Variants in ANKS1B observed in about 807,000 individuals in gnomAD.
ANKS1B encodes ankyrin repeat and sterile alpha motif domain containing 1B.
Under a neutral mutation model 148.3 loss-of-function variants are expected in ANKS1B, and 36 were observed. The observed-to-expected ratio is 0.24, with a 90% CI of 0.19 to 0.32. The LOEUF (loss-of-function observed/expected upper bound fraction) is 0.32. Among genes scored for constraint, ANKS1B ranks in the 10% least tolerant of loss-of-function variants. The probability of loss-of-function intolerance (pLI) is 1.00; values close to 1 mark genes in which losing one functional copy is unlikely to be tolerated. For synonymous variants in ANKS1B, 542 were observed against 560.8 expected (o/e 0.97, Z 0.47); for missense variants, 1,157 against 1,542.6 (o/e 0.75, Z 4.19).
intron 14 of ANKS1B, among the ~76,000 whole-genome samples, chr12:99,176,526 T>TA (rs1352104778): frequency 5.3e-5 from 8 of 152,094 alleles, no homozygotes; most frequent in African/African-American, 1.2e-4. Context: ...GCCTCAATGT[T>TA]AAAAAAACTT....
chr12:98,774,531 A>G (rs2098647365), intron 24 of ANKS1B, among the ~76,000 whole-genome samples: 1 of 152,242 alleles, frequency 6.6e-6, no homozygotes, highest in African/African-American at 2.4e-5. Flanking sequence ...AATTCACATA[A>G]TCTTGCAATC....
chr12:98,783,740 T>G (rs2098760539), intron 22 of ANKS1B, among the ~76,000 whole-genome samples: 1 of 151,868 alleles, frequency 6.6e-6, no homozygotes, highest in Non-Finnish European at 1.5e-5. Flanking sequence ...GAGATGAGAG[T>G]GGTAGAGTAG....
chr12:99,065,131 C>T (rs1024883821), intron 16 of ANKS1B, among the ~76,000 whole-genome samples: 14 of 152,086 alleles, frequency 9.2e-5, no homozygotes, highest in South Asian at 2.1e-4. Context: ...AAAAAAGACA[C>T]GGGGTCTCTT....
At chr12:99,101,323 G>T (rs931900470) in intron 15 of ANKS1B, among the ~76,000 whole-genome samples, 3 of 152,206 alleles carry the variant, frequency 2.0e-5, no homozygotes, top group Admixed American at 6.5e-5. Context: ...AAGAGCTCTT[G>T]CAGCCATAAT....
intron 17 of ANKS1B, among the ~76,000 whole-genome samples, chr12:98,932,276 T>C (rs904983528): frequency 2.0e-5 from 3 of 152,216 alleles, no homozygotes; most frequent in African/African-American, 7.2e-5. Context: ...TCTTTAGTCA[T>C]AGTCACTTGT....
At chr12:99,018,119 A>G (rs1287445343) in intron 17 of ANKS1B, among the ~76,000 whole-genome samples, 1 of 152,138 alleles carries the variant, frequency 6.6e-6, no homozygotes, top group African/African-American at 2.4e-5. Context: ...AGGGCCTGCT[A>G]TGGTCTGCAT....
intron 17 of ANKS1B, among the ~76,000 whole-genome samples, chr12:99,018,402 A>G (rs1049294399): frequency 6.6e-6 from 1 of 152,234 alleles, no homozygotes; most frequent in South Asian, 2.1e-4. Context: ...ACAATCAAAT[A>G]TGGTCTGGCT....
At chr12:99,390,994 TA>T (rs1442457432) in intron 12 of ANKS1B, among the ~76,000 whole-genome samples, 12 of 152,222 alleles carry the variant, frequency 7.9e-5, no homozygotes, top group Non-Finnish European at 4.4e-5. Flanking sequence ...GGTCTTGACC[TA>T]AATATGCCAC....
At chr12:99,639,912 C>G (rs1232270163) in intron 9 of ANKS1B, among the ~76,000 whole-genome samples, 1 of 152,210 alleles carries the variant, frequency 6.6e-6, no homozygotes, top group African/African-American at 2.4e-5. Context: ...TGGCTCACAT[C>G]TGTAATCCCA....
At chr12:98,842,561 G>A (rs1040679928) in intron 17 of ANKS1B, among the ~76,000 whole-genome samples, 4 of 152,184 alleles carry the variant, frequency 2.6e-5, no homozygotes, top group Admixed American at 1.3e-4. Context: ...TAAAATGGGC[G>A]ATTTTCATGA....
intron 24 of ANKS1B, among the ~76,000 whole-genome samples, chr12:98,774,120 T>C (rs571102434): frequency 6.6e-6 from 1 of 152,334 alleles, no homozygotes; most frequent in South Asian, 2.1e-4. Flanking sequence ...CCTGTGGCTA[T>C]ATTAACAACA....
At chr12:99,699,861 A>C (rs2054534022) in intron 8 of ANKS1B, among the ~76,000 whole-genome samples, 1 of 152,226 alleles carries the variant, frequency 6.6e-6, no homozygotes, top group African/African-American at 2.4e-5. Context: ...TATTTAAAAT[A>C]AGCTGTTTGC....
At chr12:99,853,093 G>A (rs929434228) in intron 1 of ANKS1B, among the ~76,000 whole-genome samples, 23 of 152,016 alleles carry the variant, frequency 1.5e-4, no homozygotes, top group Admixed American at 1.4e-3. Context: ...GCTCATACAC[G>A]CCTATATCTG....
At chr12:99,723,479 C>A (rs1168322072) in intron 8 of ANKS1B, among the ~76,000 whole-genome samples, 2 of 152,112 alleles carry the variant, frequency 1.3e-5, no homozygotes, top group African/African-American at 4.8e-5. Context: ...GGCTCAGGCA[C>A]AAAGCTCTGA....
chr12:99,187,169 C>A (rs1289764324), intron 14 of ANKS1B, among the ~76,000 whole-genome samples: 3 of 151,610 alleles, frequency 2.0e-5, no homozygotes, highest in African/African-American at 7.3e-5. Flanking sequence ...ACAAAGCCAC[C>A]AAGAAACATG....
chr12:99,374,266 A>G (rs1433336212), intron 12 of ANKS1B, among the ~76,000 whole-genome samples: 1 of 152,160 alleles, frequency 6.6e-6, no homozygotes, highest in Non-Finnish European at 1.5e-5. Context: ...GGTGAGGAAA[A>G]AAAAATCTAT....
chr12:98,966,917 A>T (rs1169695192), intron 17 of ANKS1B, among the ~76,000 whole-genome samples: 2 of 151,968 alleles, frequency 1.3e-5, no homozygotes, highest in Non-Finnish European at 1.5e-5. Context: ...GAGGGATAAC[A>T]GTAGGAGATA....
At chr12:98,924,521 C>T (rs1468353945) in intron 17 of ANKS1B, among the ~76,000 whole-genome samples, 1 of 151,994 alleles carries the variant, frequency 6.6e-6, no homozygotes, top group African/African-American at 2.4e-5. Flanking sequence ...TTCCCCCAAG[C>T]CACCCTCTGT....
Position 99,300,876 on chromosome 12 carries a change from C to T in ANKS1B, c.1757-54012G>A, listed in dbSNP as rs574832405. ...GTGCTATTTGGTGACTAGATGTATT[C>T]GGTTTCAGAACTAATAGGCTATATA... is the stretch of plus-strand genomic sequence containing the variant. On this transcript the variant is annotated intron_variant, in intron 12 of 26. Transcript: ENST00000683438. Among the ~76,000 whole-genome samples the T allele has an allele frequency of 7.9e-5, 12 of 152,164 alleles. No homozygotes were observed. The East Asian group carries it at 1.9e-3, about 25-fold the overall frequency.
Sources: gnomAD v4.1 joint callset for allele counts (sites outside exome capture counted in the v4.1 genomes callset) on GRCh38, gnomAD v4.1.1 for gene constraint, MANE v1.5 for transcripts, NCBI Gene and HGNC (gene_info 2026-07-23, HGNC 2026-07-21) for gene names.